The following WFDC3 variants were observed in gnomAD, a reference collection of about 807,000 sequenced individuals.
WFDC3 encodes WAP four-disulfide core domain 3.
In WFDC3, 15 loss-of-function variants were observed where a neutral mutation model predicts 25.8. The observed-to-expected ratio is 0.58, with a 90% CI of 0.39 to 0.89. The LOEUF is 0.89. WFDC3 is among the 40% of genes least tolerant of loss of function. WFDC3 has a pLI of 0.00. For missense variants in WFDC3, 264 were observed against 289.8 expected, an observed-to-expected ratio of 0.91 and a Z score of 0.65; for synonymous variants, 103 against 107.1, an observed-to-expected ratio of 0.96 and a Z score of 0.24.
At chr20:45,790,333 T>C (rs1601020169) in intron 1 of WFDC3, among the ~76,000 whole-genome samples, 1 of 152,214 alleles carries the variant, frequency 6.6e-6, no homozygotes, top group Admixed American at 6.5e-5. Context: ...TGGAAGGACA[T>C]GGCTTTAGCC....
chr20:45,774,495 T>A, intron 6 of WFDC3, 51 bp from the exon 7 acceptor site: 1 of 1,613,788 alleles, frequency 6.2e-7, no homozygotes, highest in African/African-American at 1.3e-5. Context: ...TGGCTTCAGC[T>A]ACCTGAAATG....
Position 45,774,422 on chromosome 20 carries a change from G to T in WFDC3, c.*6C>A. ...TACCAAAGAAGCTCCAGACAAATCA[G>T]CACAGCTAGGGCACCGGGATCTCTG... On this transcript the variant is annotated 3_prime_UTR_variant, in exon 7 of 7. Coordinates refer to ENST00000243938, the MANE Select transcript of WFDC3 (RefSeq NM_080614.2). 1 of 1,614,136 alleles carries T rather than the reference G, an allele frequency of 6.2e-7. No homozygotes were observed. Among genetic ancestry groups the T allele is most frequent in the Non-Finnish European group, 8.5e-7 (1 of 1,180,014 alleles).
At chr20:45,790,067 A>G in intron 1 of WFDC3, 85 bp from the exon 2 acceptor site, 1 of 1,038,554 alleles carries the variant, frequency 9.6e-7, no homozygotes, top group Non-Finnish European at 1.5e-6. Flanking sequence ...AGGACTAGGG[A>G]TGGCCCCAAA....
intron 4 of WFDC3, among the ~76,000 whole-genome samples, chr20:45,787,270 G>GTTTTCTT (rs1980715724): frequency 1.5e-5 from 2 of 135,102 alleles, no homozygotes; most frequent in African/African-American, 5.7e-5. Context: ...TTACCCAGTG[G>GTTTTCTT]TTTTCTTTTT....
At chr20:45,780,063 CTTTTTTTTT>C (rs3080097) in intron 4 of WFDC3, among the ~76,000 whole-genome samples, 2 of 88,596 alleles carry the variant, frequency 2.3e-5, no homozygotes, top group Non-Finnish European at 4.6e-5. Context: ...GCCTTTATAC[CTTTTTTTTT>C]TTTTTTTTTT....
intron 4 of WFDC3, among the ~76,000 whole-genome samples, chr20:45,787,288 T>TG (rs1215481582): frequency 1.8e-5 from 2 of 112,024 alleles, no homozygotes; most frequent in East Asian, 4.8e-4. Context: ...TTTTCTTTTT[T>TG]TTTTTTTTTT....
In WFDC3 at chr20:45,790,288, T is replaced by C. The variant is rs1980895961; in HGVS notation, c.-7-306A>G. ...GGCTGGAAAAATGGAGGGGTGGCCA[T>C]TGGAAAAAGAATCAAAGAGAGCCCT... On this transcript the variant is annotated intron_variant, in intron 1 of 6. Transcript: ENST00000243938. Among the ~76,000 whole-genome samples, 3 of 152,156 alleles carry C rather than the reference T, an allele frequency of 2.0e-5. No individual in the cohort carries two copies. In the South Asian group the frequency reaches 6.2e-4, roughly 32 times the overall value.
chr20:45,774,366 T>C lies in WFDC3; in HGVS notation c.*62A>G, dbSNP rs1278659084. The C allele has an allele frequency of 1.2e-6, 2 of 1,612,744 alleles. No individual in the cohort carries two copies. Among genetic ancestry groups the C allele is most frequent in the Non-Finnish European group, 1.7e-6 (2 of 1,178,910 alleles). ...TGTCACAAGCCCCAGGATGTCACCCTCTCTTGACTGCCAGGAAAAGCTTCC... is the reference window on the plus strand; with the variant it reads ...TGTCACAAGCCCCAGGATGTCACCCCCTCTTGACTGCCAGGAAAAGCTTCC... On this transcript the variant is annotated 3_prime_UTR_variant, in exon 7 of 7. Coordinates refer to ENST00000243938, the MANE Select transcript of WFDC3 (RefSeq NM_080614.2).
rs371184713 is a variant in WFDC3 at position 45,788,030 on chromosome 20, G to A, written c.212-48C>T. On this transcript the variant is annotated intron_variant, in intron 3 of 6. Transcript: ENST00000243938. ...AAAGAAAAGAGAAAATAGGCCGAGC[G>A]CCATGGCTCACACCTGTAATCCCAG... The A allele has an allele frequency of 2.0e-5, 32 of 1,586,084 alleles. No individual in the cohort carries two copies. The African/African-American group carries it at 3.1e-4, about 15-fold the overall frequency.
At chr20:45,785,846 C>A (rs1363026310) in intron 4 of WFDC3, among the ~76,000 whole-genome samples, 2 of 152,272 alleles carry the variant, frequency 1.3e-5, no homozygotes, top group Non-Finnish European at 2.9e-5. Context: ...CTTTCTCCAT[C>A]CCCGCTGCTA....
intron 3 of WFDC3, 61 bp from the exon 4 acceptor site, chr20:45,788,043 C>T (rs1797510606): frequency 1.9e-6 from 3 of 1,548,528 alleles, no homozygotes; most frequent in Non-Finnish European, 2.6e-6. Context: ...ATGGCTCACA[C>T]CTGTAATCCC....
chr20:45,775,386 G>A, intron 6 of WFDC3, 31 bp downstream of exon 6: 1 of 1,606,898 alleles, frequency 6.2e-7, no homozygotes, highest in Non-Finnish European at 8.5e-7. Context: ...GCAGTTGTCT[G>A]TTATTGTTGA....
At chr20:45,787,713 T>TA in intron 4 of WFDC3, 123 bp downstream of exon 4, 2 of 953,776 alleles carry the variant, frequency 2.1e-6, no homozygotes, top group Non-Finnish European at 2.9e-6. Flanking sequence ...CCTTTGTATA[T>TA]CTTTTTTTTT....
chr20:45,787,856 G>C lies in WFDC3; in HGVS notation c.338C>G (p.Pro113Arg). 2 of 1,613,316 alleles carry C rather than the reference G, an allele frequency of 1.2e-6. No homozygotes were observed. The highest frequency in any genetic ancestry group is 1.3e-5 in the African/African-American group (1 of 75,000). Residue 113 changes from proline (P) to arginine (R), a missense_variant, in exon 4 of 7, where the codon CCA becomes CGA. Pro to Arg is a moderately radical substitution (Grantham distance 103). Coordinates refer to ENST00000243938, the MANE Select transcript of WFDC3 (RefSeq NM_080614.2). ...CTTACCCAGCTTCTGTTTAGAGATT[G>C]GGACTACACAGCTCTTGTTGCAGCC... ...TLGCNKSCVV[P>R]ISKQKLAEFG...
rs552345273 is a variant in WFDC3, at chr20:45,790,226, TA to T, written c.-7-245del. Among the ~76,000 whole-genome samples the T allele has an allele frequency of 5.2e-3, 797 of 152,246 alleles. 10 individuals are homozygous for T. The highest frequency in any genetic ancestry group is 5.6e-3 in the South Asian group (27 of 4,810). On this transcript the variant is annotated intron_variant, in intron 1 of 6. Coordinates refer to ENST00000243938, the MANE Select transcript of WFDC3 (RefSeq NM_080614.2). ...GGAGGATCAAATTCTGTAAGCAATA[TA>T]CACAATATTCCTGGATGATGAGAAA...
At chr20:45,779,568 T>C (rs1980346364) in intron 4 of WFDC3, among the ~76,000 whole-genome samples, 1 of 152,062 alleles carries the variant, frequency 6.6e-6, no homozygotes, top group African/African-American at 2.4e-5. Flanking sequence ...TGCATCTCCC[T>C]GCACCTCCCC....
Position 45,774,361 on chromosome 20 carries a change from C to A in WFDC3, c.*67G>T. ...GGAAATGTCACAAGCCCCAGGATGTCACCCTCTCTTGACTGCCAGGAAAAG... is the reference window on the plus strand; with the variant it reads ...GGAAATGTCACAAGCCCCAGGATGTAACCCTCTCTTGACTGCCAGGAAAAG... On this transcript the variant is annotated 3_prime_UTR_variant, in exon 7 of 7. Coordinates refer to ENST00000243938, the MANE Select transcript of WFDC3 (RefSeq NM_080614.2). The A allele has an allele frequency of 6.2e-7, 1 of 1,610,636 alleles. No homozygotes were observed. The highest frequency in any genetic ancestry group is 1.1e-5 in the South Asian group (1 of 91,026).
At chr20:45,782,683 A>G (rs1980502860) in intron 4 of WFDC3, among the ~76,000 whole-genome samples, 1 of 151,786 alleles carries the variant, frequency 6.6e-6, no homozygotes, top group East Asian at 1.9e-4. Context: ...GCCGCCTTCC[A>G]TTTTTCTATG....
Position 45,782,502 on chromosome 20 carries a change from C to T in WFDC3, c.359-5293G>A, listed in dbSNP as rs574861909. On this transcript the variant is annotated intron_variant, in intron 4 of 6. Coordinates refer to ENST00000243938, the MANE Select transcript of WFDC3 (RefSeq NM_080614.2). The stretch of plus-strand genomic sequence containing the variant: ...AAGCGATTCTCCTGCCTCAGCCTCC[C>T]GAGTAGCTGGGATTACAGACGCCCA... 3.3e-5 allele frequency among the ~76,000 whole-genome samples: 5 copies of T among 152,016 alleles called. No individual in the cohort carries two copies. In the South Asian group the frequency reaches 1.0e-3, roughly 32 times the overall value.
Sources: allele counts gnomAD v4.1 joint callset (sites outside exome capture counted in the v4.1 genomes callset), GRCh38; gene constraint gnomAD v4.1.1; transcripts MANE v1.5; gene names NCBI Gene and HGNC (gene_info 2026-07-23, HGNC 2026-07-21).